Variants in ADAM2 observed in about 807,000 individuals in gnomAD.
ADAM2 encodes the protein ADAM metallopeptidase domain 2, also known as disintegrin and metalloproteinase domain-containing protein 2.
In ADAM2, 101 loss-of-function variants were observed where a neutral mutation model predicts 99.3. The observed-to-expected ratio is 1.02, with a 90% confidence interval of 0.87 to 1.20. The LOEUF (loss-of-function observed/expected upper bound fraction) is 1.20. ADAM2 is among the 50% of genes most tolerant of loss of function. ADAM2 has a pLI of 0.00. For synonymous variants in ADAM2, 323 were observed against 287.6 expected (o/e 1.12, Z -1.25); for missense variants, 948 against 878.7 (o/e 1.08, Z -1.00).
chr8:39,784,781 T>C (rs1420322648), intron 10 of ADAM2, among the ~76,000 whole-genome samples: 2 of 152,210 alleles, frequency 1.3e-5, no homozygotes, highest in African/African-American at 4.8e-5. Flanking sequence ...TCCAAACTTG[T>C]TCATAAATAT....
intron 14 of ADAM2, among the ~76,000 whole-genome samples, chr8:39,762,755 T>C (rs1802419499): frequency 1.3e-5 from 2 of 152,234 alleles, no homozygotes; most frequent in African/African-American, 4.8e-5. Context: ...CTTTTAATTG[T>C]CTTGCCCTAC....
At chr8:39,793,494 G>A (rs571553112) in intron 7 of ADAM2, among the ~76,000 whole-genome samples, 5 of 152,094 alleles carry the variant, frequency 3.3e-5, no homozygotes, top group Non-Finnish European at 7.4e-5. Context: ...AAGCTAGAAG[G>A]TAGAGATTAC....
chr8:39,768,635 ATCT>A (rs1483004087), intron 12 of ADAM2, among the ~76,000 whole-genome samples: 2 of 152,232 alleles, frequency 1.3e-5, no homozygotes, highest in Admixed American at 1.3e-4. Flanking sequence ...GCTTTAAAAT[ATCT>A]CTCTTTCTGA....
At chr8:39,801,436 A>C (rs1170632665) in intron 7 of ADAM2, among the ~76,000 whole-genome samples, 1 of 152,166 alleles carries the variant, frequency 6.6e-6, no homozygotes, top group African/African-American at 2.4e-5. Context: ...ACCTGATGCC[A>C]GTAGGATTAC....
intron 9 of ADAM2, 134 bp from the exon 10 acceptor site, chr8:39,787,189 C>T (rs2129585292): frequency 2.3e-6 from 1 of 438,294 alleles, no homozygotes; most frequent in East Asian, 3.5e-5. Flanking sequence ...TAAGATGTGA[C>T]TAAATCTTTC....
At chr8:39,798,893 T>C (rs1007669040) in intron 7 of ADAM2, among the ~76,000 whole-genome samples, 7 of 152,126 alleles carry the variant, frequency 4.6e-5, no homozygotes, top group Admixed American at 6.5e-5. Context: ...GATATCCCCT[T>C]TATCATTTTT....
chr8:39,787,959 T>C (rs968617765), intron 9 of ADAM2, 126 bp downstream of exon 9: 2 of 564,716 alleles, frequency 3.5e-6, no homozygotes, highest in African/African-American at 3.9e-5. Context: ...TTGTGAAAAA[T>C]ATTTACATGG....
Position 39,758,572 on chromosome 8 carries a change from AT to A in ADAM2, c.1613+2603del, listed in dbSNP as rs202020573. Reference sequence around the variant, plus strand: ...TAAAAAGTCAGTAAAAATAAAAAAAATTTAAAAAAAAAAGAAATAGTAGACA... The same window carrying A: ...TAAAAAGTCAGTAAAAATAAAAAAAATTAAAAAAAAAAGAAATAGTAGACA... On this transcript the variant is annotated intron_variant, in intron 15 of 20. Transcript: ENST00000265708. 9.2e-4 allele frequency among the ~76,000 whole-genome samples: 139 copies of A among 151,634 alleles called. 1 individual carries two copies. Among genetic ancestry groups the A allele is most frequent in the Non-Finnish European group, 1.3e-3 (89 of 67,852 alleles).
At chr8:39,824,472 AAAG>A (rs1805320731) in intron 4 of ADAM2, among the ~76,000 whole-genome samples, 1 of 152,132 alleles carries the variant, frequency 6.6e-6, no homozygotes, top group African/African-American at 2.4e-5. Flanking sequence ...AACATACTTC[AAAG>A]AAGATTAGAT....
intron 11 of ADAM2, among the ~76,000 whole-genome samples, chr8:39,769,979 C>G (rs550372873): frequency 7.1e-6 from 1 of 140,040 alleles, no homozygotes; most frequent in African/African-American, 2.7e-5. Flanking sequence ...CGGAGTCTCA[C>G]TCTGTCACCC....
chr8:39,762,142 T>G (rs1282325475), intron 14 of ADAM2, among the ~76,000 whole-genome samples: 1 of 152,178 alleles, frequency 6.6e-6, no homozygotes, highest in Non-Finnish European at 1.5e-5. Flanking sequence ...TCTCATAACC[T>G]CCAACTGCTC....
intron 7 of ADAM2, among the ~76,000 whole-genome samples, chr8:39,802,964 G>T (rs534378055): frequency 6.6e-6 from 1 of 152,130 alleles, no homozygotes; most frequent in South Asian, 2.1e-4. Flanking sequence ...AATTTTGCTA[G>T]TAGTTATTCT....
chr8:39,768,804 A>C (rs1802663593), intron 12 of ADAM2, among the ~76,000 whole-genome samples: 1 of 152,194 alleles, frequency 6.6e-6, no homozygotes, highest in South Asian at 2.1e-4. Flanking sequence ...AATGGTGCTT[A>C]CCAGGGACTT....
chr8:39,770,446 CAACACTCTTGATTCTTCTCCCCAAA>C (rs1158115274), intron 11 of ADAM2, among the ~76,000 whole-genome samples: 7 of 152,072 alleles, frequency 4.6e-5, no homozygotes, highest in Admixed American at 2.6e-4. Flanking sequence ...TATAAATTCC[CAACACTCTTGATTCTTCTCCCCAAA>C]AACACCCCTC....
At chr8:39,770,179 C>A (rs1347123521) in intron 11 of ADAM2, among the ~76,000 whole-genome samples, 1 of 152,076 alleles carries the variant, frequency 6.6e-6, no homozygotes, top group African/African-American at 2.4e-5. Flanking sequence ...GAACTCCTGA[C>A]CTCGTGATTC....
chr8:39,798,380 G>A (rs1046883940), intron 7 of ADAM2, among the ~76,000 whole-genome samples: 2 of 152,168 alleles, frequency 1.3e-5, no homozygotes, highest in African/African-American at 4.8e-5. Flanking sequence ...TGCATCCCAG[G>A]GATGAAGCTG....
chr8:39,756,162 C>T (rs1313725892), intron 15 of ADAM2, among the ~76,000 whole-genome samples: 6 of 152,080 alleles, frequency 3.9e-5, no homozygotes, highest in Admixed American at 1.3e-4. Context: ...TGGCAAAAGC[C>T]GCAATCACTT....
At chr8:39,776,952 A>G in intron 11 of ADAM2, 73 bp downstream of exon 11, 1 of 981,212 alleles carries the variant, frequency 1.0e-6, no homozygotes, top group South Asian at 1.5e-5. Flanking sequence ...TTAACAACTT[A>G]AACTTTCTTC....
In ADAM2 at chr8:39,831,981, A is replaced by T. The variant is rs1157197617; in HGVS notation, c.188+1963T>A. Among the ~76,000 whole-genome samples, 3 of 152,210 alleles carry T rather than the reference A, an allele frequency of 2.0e-5. 1 individual carries two copies. Among genetic ancestry groups the T allele is most frequent in the Admixed American group, 2.0e-4 (3 of 15,270 alleles). On this transcript the variant is annotated intron_variant, in intron 3 of 20. Coordinates refer to ENST00000265708, the MANE Select transcript of ADAM2 (RefSeq NM_001464.5). The stretch of plus-strand genomic sequence containing the variant: ...TGCAAGGATGTTAATTCTCAAATTG[A>T]AAATTCAGAGTCCTTAGAGATATAA...
Sources: allele counts gnomAD v4.1 joint callset (sites outside exome capture counted in the v4.1 genomes callset), GRCh38; gene constraint gnomAD v4.1.1; transcripts MANE v1.5; gene names NCBI Gene and HGNC (gene_info 2026-07-23, HGNC 2026-07-21).